Variants in CDKL2 observed in about 807,000 individuals in gnomAD.
The protein encoded by CDKL2 is cyclin-dependent kinase-like 2.
CDKL2 carries 64 observed loss-of-function variants against 63.9 expected under a neutral mutation model. The ratio of observed to expected loss-of-function variants is 1.00; its 90% CI spans 0.82 to 1.23. The LOEUF is 1.23. CDKL2 is among the 50% of genes most tolerant of loss of function. CDKL2 has a pLI of 0.00. For synonymous variants in CDKL2, 211 were observed against 229.2 expected (o/e 0.92, Z 0.72); for missense variants, 656 against 668.0 (o/e 0.98, Z 0.20).
intron 10 of CDKL2, among the ~76,000 whole-genome samples, chr4:75,594,073 G>A (rs909036117): frequency 2.0e-5 from 3 of 152,164 alleles, no homozygotes; most frequent in African/African-American, 4.8e-5. Context: ...TCTAAGGTGT[G>A]AATAAATGTA....
In CDKL2 at chr4:75,597,066, G is replaced by C; in HGVS notation, c.1191C>G (p.Cys397Trp). 6.2e-7 allele frequency: 1 copy of C among 1,614,170 alleles called. No homozygotes were observed. Among genetic ancestry groups the C allele is most frequent in the South Asian group, 1.1e-5 (1 of 91,078 alleles). Residue 397 changes from cysteine (C) to tryptophan (W), a missense_variant, in exon 9 of 14, where the codon TGC becomes TGG. By Grantham distance (215) the Cys-to-Trp change is radical. Coordinates refer to ENST00000307465, the MANE Select transcript of CDKL2 (RefSeq NM_001330724.2). ...TTGTGTGGTCCACGCTGACATTGCT[G>C]CAGTCTTTGAGGCTTGTTGAAGGCA... ...KIVPSTSLKD[C>W]SNVSVDHTRN...
intron 2 of CDKL2, among the ~76,000 whole-genome samples, chr4:75,617,968 G>T (rs1249944353): frequency 6.6e-6 from 1 of 151,918 alleles, no homozygotes; most frequent in Admixed American, 6.6e-5. Flanking sequence ...AGGCGTGGTG[G>T]CAGGTGCCTG....
intron 12 of CDKL2, among the ~76,000 whole-genome samples, chr4:75,583,004 A>G (rs1728324719): frequency 6.6e-6 from 1 of 152,240 alleles, no homozygotes; most frequent in Non-Finnish European, 1.5e-5. Flanking sequence ...AGAAAAACTA[A>G]GAACATTTGT....
chr4:75,588,057 A>C (rs1419995124), intron 12 of CDKL2, among the ~76,000 whole-genome samples: 1 of 150,818 alleles, frequency 6.6e-6, no homozygotes, highest in Non-Finnish European at 1.5e-5. Context: ...TCTACTAAAA[A>C]TACAAAATTA....
At chr4:75,592,621 C>G (rs1728764945) in intron 10 of CDKL2, among the ~76,000 whole-genome samples, 2 of 152,188 alleles carry the variant, frequency 1.3e-5, no homozygotes, top group African/African-American at 2.4e-5. Flanking sequence ...ACTTCCTAGG[C>G]TTTTCAGCAA....
At chr4:75,580,843 G>T (rs1438798130) in intron 13 of CDKL2, among the ~76,000 whole-genome samples, 2 of 149,466 alleles carry the variant, frequency 1.3e-5, no homozygotes, top group Non-Finnish European at 3.0e-5. Flanking sequence ...TGGGACTACA[G>T]GCGCCCGCTA....
intron 12 of CDKL2, among the ~76,000 whole-genome samples, chr4:75,587,943 G>A (rs1278279761): frequency 2.0e-5 from 3 of 149,322 alleles, no homozygotes; most frequent in Admixed American, 1.3e-4. Context: ...GGCTGGGCGC[G>A]GTGGCTCACA....
intron 3 of CDKL2, among the ~76,000 whole-genome samples, chr4:75,613,303 C>T (rs990449073): frequency 6.6e-6 from 1 of 151,892 alleles, no homozygotes; most frequent in Non-Finnish European, 1.5e-5. Context: ...CAAAACTACA[C>T]AATAAAAGAC....
intron 12 of CDKL2, among the ~76,000 whole-genome samples, 154 bp downstream of exon 12, chr4:75,591,665 G>A (rs1321734383): frequency 6.6e-6 from 1 of 152,132 alleles, no homozygotes; most frequent in Admixed American, 6.6e-5. Context: ...AAGGTACTAA[G>A]TGCAATGAAT....
Position 75,578,108 on chromosome 4 carries a change from T to C in CDKL2, c.*1094A>G, listed in dbSNP as rs1728106540. The C allele has an allele frequency of 6.6e-6, 1 of 152,112 alleles. No homozygotes were observed. Among genetic ancestry groups the C allele is most frequent in the South Asian group, 2.1e-4 (1 of 4,824 alleles). The allele number at this position is 152,112 out of a possible 1,614,324, so 9.4% of individuals were successfully genotyped here. A position where few individuals can be genotyped will look rare whatever the true frequency, so the allele number is the denominator to read the frequency against. ...AATCAAGAACCTGTAGCCAACTTAG[T>C]TTATTCCTCCCACCTAAAAAGTTTT... On this transcript the variant is annotated 3_prime_UTR_variant, in exon 14 of 14. Coordinates refer to ENST00000307465, the MANE Select transcript of CDKL2 (RefSeq NM_001330724.2).
Position 75,597,239 on chromosome 4 carries a change from G to A in CDKL2, c.1021-3C>T, listed in dbSNP as rs779710185. On this transcript the variant is annotated splice_region_variant and splice_polypyrimidine_tract_variant and intron_variant, in intron 8 of 13. Transcript: ENST00000307465. Reference sequence around the variant, plus strand: ...ATTTTGGGATCAGCATTGGTATCCTGATCATTAACAAAAATATTAATAAGG... The same window carrying A: ...ATTTTGGGATCAGCATTGGTATCCTAATCATTAACAAAAATATTAATAAGG... The A allele has an allele frequency of 1.3e-6, 2 of 1,541,802 alleles. No individual in the cohort carries two copies. Among genetic ancestry groups the A allele is most frequent in the Non-Finnish European group, 1.8e-6 (2 of 1,123,614 alleles).
At chr4:75,604,111 T>A (rs906096914) in intron 5 of CDKL2, among the ~76,000 whole-genome samples, 155 bp from the exon 6 acceptor site, 1 of 152,210 alleles carries the variant, frequency 6.6e-6, no homozygotes, top group Non-Finnish European at 1.5e-5. Context: ...ATGCCGTTAC[T>A]GTGGTGGTAT....
intron 13 of CDKL2, among the ~76,000 whole-genome samples, chr4:75,580,277 A>C (rs1728203790): frequency 6.6e-6 from 1 of 150,636 alleles, no homozygotes. Flanking sequence ...AAATAAATAC[A>C]GTTGTGAGAA....
chr4:75,627,731 C>CTTTTTTTTTTTTTTTTTTTTTTTT (rs57328528), intron 1 of CDKL2, among the ~76,000 whole-genome samples: 2 of 85,984 alleles, frequency 2.3e-5, no homozygotes, highest in East Asian at 3.0e-4. Context: ...CTTTTTTTTT[C>CTTTTTTTTTTTTTTTTTTTTTTTT]TTTTTTTTTT....
rs558281528 is a variant in CDKL2, at chr4:75,598,817, T to C, written c.885-605A>G. On this transcript the variant is annotated intron_variant, in intron 7 of 13. Coordinates refer to ENST00000307465, the MANE Select transcript of CDKL2 (RefSeq NM_001330724.2). ...TACAAACTAAACTAGATATTTTTAC[T>C]TGAAAGAAAGACTGACAGAAAAACT... Among the ~76,000 whole-genome samples the C allele has an allele frequency of 1.3e-3, 201 of 152,310 alleles. 1 individual carries two copies. Among genetic ancestry groups the C allele is most frequent in the African/African-American group, 4.7e-3 (194 of 41,582 alleles).
intron 10 of CDKL2, among the ~76,000 whole-genome samples, chr4:75,593,659 T>C (rs1157418629): frequency 6.6e-6 from 1 of 152,140 alleles, no homozygotes; most frequent in Non-Finnish European, 1.5e-5. Flanking sequence ...GCCTTCCTGA[T>C]TAAAATAATC....
chr4:75,599,548 C>CGA (rs1729090810), intron 7 of CDKL2, among the ~76,000 whole-genome samples: 1 of 69,656 alleles, frequency 1.4e-5, no homozygotes, highest in South Asian at 7.4e-4. Flanking sequence ...GCAACAAGAG[C>CGA]AAAAAAAAAA....
rs751804257 is a variant in CDKL2 at position 75,577,835 on chromosome 4, T to C, written c.*1367A>G. The stretch of plus-strand genomic sequence containing the variant: ...TGTACATTGAAACCCCTTATTTGCC[T>C]CCTCTTGAATGTCCTACTCTTTTGA... On this transcript the variant is annotated 3_prime_UTR_variant, in exon 14 of 14. Transcript: ENST00000307465. Among the ~76,000 whole-genome samples the C allele has an allele frequency of 3.9e-5, 6 of 152,116 alleles. No homozygotes were observed. The highest frequency in any genetic ancestry group is 1.5e-5 in the Non-Finnish European group (1 of 68,006).
rs995661350 is a variant in CDKL2, at chr4:75,577,269, G to T, written c.*1933C>A. Among the ~76,000 whole-genome samples the T allele has an allele frequency of 6.6e-6, 1 of 151,942 alleles. No individual in the cohort carries two copies. The highest frequency in any genetic ancestry group is 1.5e-5 in the Non-Finnish European group (1 of 67,986). On this transcript the variant is annotated 3_prime_UTR_variant, in exon 14 of 14. Transcript: ENST00000307465. Reference sequence around the variant, plus strand: ...TTAAACTTAAAAAAAGGATCATTTTGGTTCAATATCTATTATTGTTGATTA... The same window carrying T: ...TTAAACTTAAAAAAAGGATCATTTTTGTTCAATATCTATTATTGTTGATTA...
Sources: gnomAD v4.1 joint callset for allele counts (sites outside exome capture counted in the v4.1 genomes callset) on GRCh38, gnomAD v4.1.1 for gene constraint, MANE v1.5 for transcripts, NCBI Gene and HGNC (gene_info 2026-07-23, HGNC 2026-07-21) for gene names.